Variants in PCDHGA11 observed in about 807,000 individuals in gnomAD.
PCDHGA11 encodes the protein protocadherin gamma subfamily A, 11.
PCDHGA11 carries 39 observed loss-of-function variants against 60.4 expected under a neutral mutation model. That is an observed-to-expected ratio of 0.65 (90% CI 0.50 to 0.84). The LOEUF is 0.84. PCDHGA11 is among the 40% of genes least tolerant of loss of function. The probability of loss-of-function intolerance (pLI) is 0.00; values close to 1 mark genes in which losing one functional copy is unlikely to be tolerated. For synonymous variants in PCDHGA11, 533 were observed against 510.3 expected (o/e 1.04, Z -0.60); for missense variants, 1,165 against 1,197.7 (o/e 0.97, Z 0.40).
rs1011341002 is a variant in PCDHGA11, at chr5:141,476,141, G to T, written c.2434-18666G>T. 1 of 1,610,048 alleles carries T rather than the reference G, an allele frequency of 6.2e-7. No individual in the cohort carries two copies. The highest frequency in any genetic ancestry group is 2.2e-5 in the East Asian group (1 of 44,844). On this transcript the variant is annotated intron_variant, in intron 1 of 3. Coordinates refer to ENST00000398587, the MANE Select transcript of PCDHGA11 (RefSeq NM_018914.3). The surrounding 1 kb of genome is among the most constrained non-coding windows in gnomAD (Gnocchi z 7.6). ...GATGGTCCCAGAGGCCTGGAGGAGC[G>T]GACTGGTAAGCACCGGGAGGGTAGT...
intron 1 of PCDHGA11, among the ~76,000 whole-genome samples, chr5:141,480,911 G>A (rs2154578422): frequency 6.6e-6 from 1 of 152,218 alleles, no homozygotes; most frequent in East Asian, 1.9e-4. Flanking sequence ...TGGGCATGGT[G>A]GCGCATACCT....
intron 1 of PCDHGA11, among the ~76,000 whole-genome samples, chr5:141,438,587 C>CATAT (rs1372372472): frequency 2.7e-5 from 2 of 73,430 alleles, no homozygotes; most frequent in Non-Finnish European, 5.2e-5. Context: ...TACATACATA[C>CATAT]ATACATATAT....
chr5:141,421,353 G>C lies in PCDHGA11; in HGVS notation c.126G>C (p.Lys42Asn). ...IRYSVPEETE[K>N]GSFVGNISKD... is the part of the protein sequence containing the mutation. The stretch of plus-strand genomic sequence containing the variant: ...ATTCGGTGCCAGAAGAGACCGAAAA[G>C]GGCTCCTTCGTGGGCAATATCTCCA... Residue 42 changes from lysine to asparagine, a missense_variant, in exon 1 of 4, where the codon AAG (lysine) becomes AAC (asparagine). By Grantham distance (94) the Lys-to-Asn change is moderately conservative (BLOSUM62 0). Transcript: ENST00000398587. 1 of 1,613,998 alleles carries C rather than the reference G, an allele frequency of 6.2e-7. No individual in the cohort carries two copies. The highest frequency in any genetic ancestry group is 8.5e-7 in the Non-Finnish European group (1 of 1,179,898).
intron 1 of PCDHGA11, chr5:141,475,934 GC>G (rs879308605): frequency 6.0e-6 from 4 of 665,236 alleles, no homozygotes; most frequent in Non-Finnish European, 1.0e-5. Context: ...TCGGGCCCCT[GC>G]CCGTCCCCTT....
chr5:141,440,008 C>G, intron 1 of PCDHGA11: 1 of 153,238 alleles, frequency 6.5e-6, no homozygotes. Context: ...GAAACCTTGC[C>G]AAGGATCTGG....
rs778744503 is a variant in PCDHGA11, at chr5:141,511,152, G to A, written c.2787G>A (p.Ser929=). Residue 929 remains serine (S), a synonymous_variant, in exon 4 of 4, where the codon TCG becomes TCA. Transcript: ENST00000398587. The part of the protein sequence containing the change: ...PAGGNGNKKK[S]GKKEKK ...GTGGCAATGGCAACAAGAAGAAGTCGGGCAAGAAGGAGAAGAAGTAACATG... is the reference window on the plus strand; with the variant it reads ...GTGGCAATGGCAACAAGAAGAAGTCAGGCAAGAAGGAGAAGAAGTAACATG... The A allele has an allele frequency of 2.0e-5, 32 of 1,614,022 alleles. No individual in the cohort carries two copies. Among genetic ancestry groups the A allele is most frequent in the South Asian group, 4.4e-5 (4 of 91,090 alleles).
At position 141,431,698 on chromosome 5, in the gene PCDHGA11, AT is replaced by A. The variant is rs2097408637; in HGVS notation, c.2433+8040del. ...GGGAGTTGGACCACGAGGAGTCAGG[AT>A]TCTACCAGATGGAAGTGCAAGCAAT... On this transcript the variant is annotated intron_variant, in intron 1 of 3. Coordinates refer to ENST00000398587, the MANE Select transcript of PCDHGA11 (RefSeq NM_018914.3). The surrounding 1 kb of genome is among the most constrained non-coding windows in gnomAD (Gnocchi z 4.8). 4.3e-6 allele frequency: 7 copies of A among 1,614,104 alleles called. 1 individual carries two copies. The South Asian group carries it at 7.7e-5, about 18-fold the overall frequency.
Position 141,431,883 on chromosome 5 carries a change from A to T in PCDHGA11, c.2433+8223A>T, listed in dbSNP as rs748968989. 6.8e-6 allele frequency: 11 copies of T among 1,614,118 alleles called. No individual in the cohort carries two copies. The highest frequency in any genetic ancestry group is 1.1e-5 in the South Asian group (1 of 91,084). On this transcript the variant is annotated intron_variant, in intron 1 of 3. Transcript: ENST00000398587. The surrounding 1 kb of genome is among the most constrained non-coding windows in gnomAD (Gnocchi z 4.8). ...GCCCTTTTAAATGTAAATGACCAAG[A>T]TTCTGAGGAAAACGGACAGGTGATC...
At position 141,485,074 on chromosome 5, in the gene PCDHGA11, G is replaced by T. The variant is rs2099606548; in HGVS notation, c.2434-9733G>T. On this transcript the variant is annotated intron_variant, in intron 1 of 3. Transcript: ENST00000398587. The surrounding 1 kb of genome is among the most constrained non-coding windows in gnomAD (Gnocchi z 5.7). ...GGCCGAACCGCGCCAGAGCTGGCGCGGGGAAAGGGAGATAGGTGTCTCCAG... is the reference window on the plus strand; with the variant it reads ...GGCCGAACCGCGCCAGAGCTGGCGCTGGGAAAGGGAGATAGGTGTCTCCAG... The T allele has an allele frequency of 2.2e-6, 2 of 926,946 alleles. No homozygotes were observed. The highest frequency in any genetic ancestry group is 3.4e-6 in the Non-Finnish European group (2 of 596,630). 57.4% of individuals were successfully genotyped at this position (926,946 alleles called of 1,614,324 possible). A position where few individuals can be genotyped will look rare whatever the true frequency, so the allele number is the denominator to read the frequency against.
chr5:141,424,860 A>C (rs2154550951), intron 1 of PCDHGA11, among the ~76,000 whole-genome samples: 1 of 152,340 alleles, frequency 6.6e-6, no homozygotes. Flanking sequence ...TGTCTAGGAA[A>C]GCCAAATGAG....
intron 2 of PCDHGA11, among the ~76,000 whole-genome samples, chr5:141,501,703 G>A (rs183907124): frequency 6.6e-6 from 1 of 152,088 alleles, no homozygotes; most frequent in Non-Finnish European, 1.5e-5. Flanking sequence ...GTGATTCCGA[G>A]GATAAAAAAG....
chr5:141,430,997 C>T, intron 1 of PCDHGA11: 1 of 1,613,926 alleles, frequency 6.2e-7, no homozygotes, highest in Non-Finnish European at 8.5e-7. Context: ...CCTGAATCCG[C>T]GCAGCGGCAG....
rs138608867 is a variant in PCDHGA11 at position 141,477,655 on chromosome 5, T to C, written c.2434-17152T>C. 5.0e-3 allele frequency: 8,034 copies of C among 1,614,186 alleles called. 44 individuals carry two copies. The highest frequency in any genetic ancestry group is 9.4e-3 in the Admixed American group (567 of 60,020). On this transcript the variant is annotated intron_variant, in intron 1 of 3. Coordinates refer to ENST00000398587, the MANE Select transcript of PCDHGA11 (RefSeq NM_018914.3). The surrounding 1 kb of genome is among the most constrained non-coding windows in gnomAD (Gnocchi z 4.9). ...TAGTGGGTCGCTATTTCACAATAAA[T>C]CGTGACAATGGCATAGTGTCATCCT...
intron 1 of PCDHGA11, among the ~76,000 whole-genome samples, chr5:141,475,625 G>C (rs1172186188): frequency 2.0e-5 from 3 of 152,204 alleles, no homozygotes; most frequent in African/African-American, 7.2e-5. Flanking sequence ...GGTTTGGTTC[G>C]ATCCCCTTTC....
intron 1 of PCDHGA11, among the ~76,000 whole-genome samples, chr5:141,463,505 G>A (rs1213601894): frequency 7.3e-6 from 1 of 137,472 alleles, no homozygotes; most frequent in Non-Finnish European, 1.5e-5. Flanking sequence ...CTGGAGTGAC[G>A]TGGCGTGATC....
At position 141,511,456 on chromosome 5, in the gene PCDHGA11, C is replaced by A. The variant is rs900802210; in HGVS notation, c.*283C>A. ...TACTGTAGACACCAAGAACCATTTG[C>A]CACACCCCGTTTAGTTACAGCTGAA... On this transcript the variant is annotated 3_prime_UTR_variant, in exon 4 of 4. Transcript: ENST00000398587. 3.4e-6 allele frequency: 2 copies of A among 585,210 alleles called. No homozygotes were observed. The highest frequency in any genetic ancestry group is 5.7e-6 in the Non-Finnish European group (2 of 351,786). 36.3% of individuals were successfully genotyped at this position (585,210 alleles called of 1,614,324 possible).
chr5:141,472,307 C>T (rs949288194), intron 1 of PCDHGA11, among the ~76,000 whole-genome samples: 2 of 150,368 alleles, frequency 1.3e-5, no homozygotes, highest in Admixed American at 6.6e-5. Flanking sequence ...TTTGGGAAGC[C>T]GAGGCAGGCA....
At chr5:141,433,694 G>T (rs539494151) in intron 1 of PCDHGA11, among the ~76,000 whole-genome samples, 1 of 152,126 alleles carries the variant, frequency 6.6e-6, no homozygotes, top group South Asian at 2.1e-4. Flanking sequence ...AAAATTAGCC[G>T]GGCGTGGTGG....
intron 1 of PCDHGA11, chr5:141,424,098 C>T: frequency 8.3e-6 from 7 of 846,340 alleles, no homozygotes; most frequent in Non-Finnish European, 1.0e-5. Flanking sequence ...TTTGCTATTA[C>T]TGCTAATGTT....
Sources: allele counts gnomAD v4.1 joint callset (sites outside exome capture counted in the v4.1 genomes callset), GRCh38; gene constraint gnomAD v4.1.1; non-coding constraint Gnocchi (gnomAD v3.1); transcripts MANE v1.5; gene names NCBI Gene and HGNC (gene_info 2026-07-23, HGNC 2026-07-21).